Variants in PTCD3 observed in about 807,000 individuals in gnomAD.
PTCD3 encodes small ribosomal subunit protein mS39.
PTCD3 carries 89 observed loss-of-function variants against 101.9 expected under a neutral mutation model. The ratio of observed to expected loss-of-function variants is 0.87; its 90% CI spans 0.74 to 1.04. The LOEUF (loss-of-function observed/expected upper bound fraction) is 1.04. Among genes scored for constraint, PTCD3 ranks in the 50% least tolerant of loss-of-function variants. The pLI is 0.00. For synonymous variants in PTCD3, 296 were observed against 278.5 expected (o/e 1.06, Z -0.63); for missense variants, 870 against 828.2 (o/e 1.05, Z -0.62).
chr2:86,136,546 CATA>C lies in PTCD3; in HGVS notation c.1809_1811del (p.Asn603del), dbSNP rs770392698. ...GAAAATGTTGGGGCTTTTCAGGAAG[CATA>C]ATAAGATTCCTAGGTAAGTTGAAAT... On this transcript the variant is annotated inframe_deletion, in exon 22 of 24. Coordinates refer to ENST00000254630, the MANE Select transcript of PTCD3 (RefSeq NM_017952.6). 1.2e-6 allele frequency: 2 copies of C among 1,612,476 alleles called. No individual in the cohort carries two copies. The highest frequency in any genetic ancestry group is 1.3e-5 in the African/African-American group (1 of 74,958).
chr2:86,124,219 A>C (rs904030934), intron 9 of PTCD3, among the ~76,000 whole-genome samples: 1 of 152,244 alleles, frequency 6.6e-6, no homozygotes, highest in Admixed American at 6.5e-5. Context: ...TTGGAGAATT[A>C]GCTGGGTGTC....
At chr2:86,136,377 A>G (rs1674584799) in intron 21 of PTCD3, 144 bp from the exon 22 acceptor site, 1 of 759,976 alleles carries the variant, frequency 1.3e-6, no homozygotes. Flanking sequence ...GAGCTAGTAG[A>G]GCCCACAGAT....
rs1332175809 is a variant in PTCD3, at chr2:86,135,108, G to C, written c.1778+121G>C. 6.0e-5 allele frequency: 74 copies of C among 1,224,744 alleles called. 1 individual carries two copies. The East Asian group carries it at 1.0e-3, about 17-fold the overall frequency. 75.9% of individuals were successfully genotyped at this position (1,224,744 alleles called of 1,614,324 possible). On this transcript the variant is annotated intron_variant, in intron 21 of 23. Coordinates refer to ENST00000254630, the MANE Select transcript of PTCD3 (RefSeq NM_017952.6). ...TAACACGTATTTGATTCGGGAACTT[G>C]CAAATACCAACTAAAAAGCAAACTT...
intron 3 of PTCD3, 50 bp downstream of exon 3, chr2:86,108,586 GA>G (rs1674011277): frequency 6.6e-6 from 10 of 1,523,464 alleles, no homozygotes; most frequent in Non-Finnish European, 8.0e-6. Context: ...TGCTTACTAT[GA>G]GAGAAGTGTA....
At chr2:86,136,727 G>C in intron 22 of PTCD3, 165 bp downstream of exon 22, 1 of 872,654 alleles carries the variant, frequency 1.1e-6, no homozygotes, top group Non-Finnish European at 1.8e-6. Context: ...TTTTTTATCT[G>C]TGTTGACGGA....
At chr2:86,119,147 C>T in intron 7 of PTCD3, 103 bp downstream of exon 7, 1 of 1,412,998 alleles carries the variant, frequency 7.1e-7, no homozygotes, top group Non-Finnish European at 9.7e-7. Flanking sequence ...TCCTGCTGTA[C>T]TTACTCTGCT....
intron 3 of PTCD3, 24 bp from the exon 4 acceptor site, chr2:86,111,089 T>C (rs761432986): frequency 6.2e-7 from 1 of 1,606,426 alleles, no homozygotes; most frequent in East Asian, 2.2e-5. Flanking sequence ...CTGATGAGGA[T>C]TAACTTGTGG....
chr2:86,107,266 C>A (rs1029627084), intron 1 of PTCD3: 8 of 469,862 alleles, frequency 1.7e-5, no homozygotes, highest in Admixed American at 2.4e-5. Flanking sequence ...CCTCAGCATC[C>A]GTTCTCAAAA....
At chr2:86,130,366 C>T (rs1195882359) in intron 14 of PTCD3, among the ~76,000 whole-genome samples, 1 of 152,032 alleles carries the variant, frequency 6.6e-6, no homozygotes, top group Non-Finnish European at 1.5e-5. Context: ...TACTGTCTGC[C>T]GCCTACTTCA....
In PTCD3 at chr2:86,137,647, T is replaced by TA; in HGVS notation, c.*89dup. The TA allele has an allele frequency of 6.4e-7, 1 of 1,559,048 alleles. No individual in the cohort carries two copies. The highest frequency in any genetic ancestry group is 1.2e-5 in the South Asian group (1 of 86,736). On this transcript the variant is annotated 3_prime_UTR_variant, in exon 24 of 24. Coordinates refer to ENST00000254630, the MANE Select transcript of PTCD3 (RefSeq NM_017952.6). ...GAGATATACCAATATTTAACATTGT[T>TA]ACAAAGAAGAAAAGATACAGATTTG...
chr2:86,140,207 C>G lies in PTCD3; in HGVS notation c.*2648C>G, dbSNP rs934734232. On this transcript the variant is annotated 3_prime_UTR_variant, in exon 24 of 24. Coordinates refer to ENST00000254630, the MANE Select transcript of PTCD3 (RefSeq NM_017952.6). ...AACGTAACCACAGTAAAGCAGACTC[C>G]CCTTTCAGCAACCTCAAAGCAAAAA... The G allele has an allele frequency of 6.8e-6, 1 of 148,136 alleles. No individual in the cohort carries two copies. The highest frequency in any genetic ancestry group is 2.6e-5 in the African/African-American group (1 of 39,158). 9.2% of individuals were successfully genotyped at this position (148,136 alleles called of 1,614,324 possible). A position where few individuals can be genotyped will look rare whatever the true frequency, so the allele number is the denominator to read the frequency against.
intron 1 of PTCD3, 100 bp downstream of exon 1, chr2:86,106,451 T>A: frequency 7.9e-7 from 1 of 1,266,856 alleles, no homozygotes. Flanking sequence ...AATGGTTTGC[T>A]CATGCGCGCC....
At chr2:86,123,866 T>G (rs2104455366) in intron 9 of PTCD3, 104 bp downstream of exon 9, 1 of 762,594 alleles carries the variant, frequency 1.3e-6, no homozygotes, top group South Asian at 3.5e-5. Context: ...CTAAAATAAT[T>G]GATTTTTATT....
intron 3 of PTCD3, 137 bp from the exon 4 acceptor site, chr2:86,110,976 A>G (rs766694092): frequency 1.2e-6 from 1 of 830,768 alleles, no homozygotes; most frequent in Non-Finnish European, 2.1e-6. Context: ...AATTTATTCT[A>G]GTGACCTTGT....
At chr2:86,114,094 G>T (rs999170764) in intron 4 of PTCD3, among the ~76,000 whole-genome samples, 1 of 151,770 alleles carries the variant, frequency 6.6e-6, no homozygotes. Flanking sequence ...GACTTATCTG[G>T]CCCTTAAAAT....
chr2:86,122,946 A>G (rs1674317728), intron 8 of PTCD3, among the ~76,000 whole-genome samples: 1 of 152,148 alleles, frequency 6.6e-6, no homozygotes, highest in South Asian at 2.1e-4. Context: ...TGGTTTATAA[A>G]TAAAGACAAG....
In PTCD3 at chr2:86,138,193, CA is replaced by C. The variant is rs1220266297; in HGVS notation, c.*635del. 6.6e-6 allele frequency: 1 copy of C among 152,374 alleles called. No homozygotes were observed. The highest frequency in any genetic ancestry group is 1.5e-5 in the Non-Finnish European group (1 of 68,222). 9.4% of individuals were successfully genotyped at this position (152,374 alleles called of 1,614,324 possible). On this transcript the variant is annotated 3_prime_UTR_variant, in exon 24 of 24. Coordinates refer to ENST00000254630, the MANE Select transcript of PTCD3 (RefSeq NM_017952.6). ...GCCATAGTTTTCTAACTTGAACAGC[CA>C]TGAATGTTTCATGTCTCCCTTTTTT...
intron 4 of PTCD3, among the ~76,000 whole-genome samples, chr2:86,116,226 C>T (rs2104450707): frequency 6.6e-6 from 1 of 152,348 alleles, no homozygotes; most frequent in South Asian, 2.1e-4. Context: ...ACAAGGTCCT[C>T]TTAAAAATTT....
At chr2:86,110,640 T>C (rs914332474) in intron 3 of PTCD3, among the ~76,000 whole-genome samples, 2 of 152,194 alleles carry the variant, frequency 1.3e-5, no homozygotes, top group African/African-American at 4.8e-5. Context: ...CAGAATTATC[T>C]GGGAATTCAG....
Sources: gnomAD v4.1 joint callset for allele counts (sites outside exome capture counted in the v4.1 genomes callset) on GRCh38, gnomAD v4.1.1 for gene constraint, MANE v1.5 for transcripts, NCBI Gene and HGNC (gene_info 2026-07-23, HGNC 2026-07-21) for gene names.